KCNJ6: variants seen among roughly 807,000 people sequenced by gnomAD.
The protein encoded by KCNJ6 is G protein-activated inward rectifier potassium channel 2.
In KCNJ6, 9 loss-of-function variants were observed where a neutral mutation model predicts 34.2. The ratio of observed to expected loss-of-function variants is 0.26; its 90% CI spans 0.16 to 0.46. The LOEUF (loss-of-function observed/expected upper bound fraction) is 0.46, where lower values mean the gene tolerates loss of function less well. Ranked by LOEUF, KCNJ6 falls within the 20% of genes least tolerant of loss-of-function variation. The pLI is 1.00. For synonymous variants in KCNJ6, 196 were observed against 207.1 expected (o/e 0.95, Z 0.46); for missense variants, 236 against 531.3 (o/e 0.44, Z 5.46).
rs1267339193 is a variant in KCNJ6, at chr21:37,616,568, T to G, written c.*8591A>C. The G allele has an allele frequency of 7.6e-6, 1 of 131,850 alleles. No individual in the cohort carries two copies. The highest frequency in any genetic ancestry group is 2.2e-4 in the East Asian group (1 of 4,510). The allele number at this position is 131,850 out of a possible 1,614,324, so 8.2% of individuals were successfully genotyped here. A position where few individuals can be genotyped will look rare whatever the true frequency, so the allele number is the denominator to read the frequency against. ...ATCACTCATAGACTCTCTGGGCAAT[T>G]ATGAAGCAGGAACAAAATGTACATA... On this transcript the variant is annotated 3_prime_UTR_variant, in exon 4 of 4. Transcript: ENST00000609713.
At chr21:37,842,376 T>C (rs1453019915) in intron 1 of KCNJ6, among the ~76,000 whole-genome samples, 1 of 152,192 alleles carries the variant, frequency 6.6e-6, no homozygotes, top group African/African-American at 2.4e-5. Flanking sequence ...GTAGTAAGGA[T>C]AGAAAGATCA....
chr21:37,698,746 G>A (rs1335850276), intron 3 of KCNJ6, among the ~76,000 whole-genome samples: 3 of 151,740 alleles, frequency 2.0e-5, no homozygotes, highest in African/African-American at 7.3e-5. Flanking sequence ...ACCCAGGATG[G>A]AGTGCAGTGG....
At chr21:37,815,820 C>T (rs1006044102) in intron 2 of KCNJ6, among the ~76,000 whole-genome samples, 7 of 152,314 alleles carry the variant, frequency 4.6e-5, no homozygotes, top group Middle Eastern at 3.4e-3. Flanking sequence ...CTTTAGCCCC[C>T]ATATGTGAAT....
chr21:37,824,570 G>T (rs939020863), intron 2 of KCNJ6, among the ~76,000 whole-genome samples: 1 of 152,130 alleles, frequency 6.6e-6, no homozygotes, highest in African/African-American at 2.4e-5. Flanking sequence ...CATGTGGAGG[G>T]AGGGACCTGG....
intron 3 of KCNJ6, among the ~76,000 whole-genome samples, chr21:37,633,715 CA>C (rs151197001): frequency 1.3e-5 from 2 of 151,164 alleles, no homozygotes; most frequent in African/African-American, 2.4e-5. Context: ...CCTCTAGCAA[CA>C]AAAAAAACCC....
chr21:37,651,414 A>G (rs558650989), intron 3 of KCNJ6, among the ~76,000 whole-genome samples: 1 of 152,276 alleles, frequency 6.6e-6, no homozygotes, highest in Admixed American at 6.5e-5. Context: ...TGTGTTTTGA[A>G]AAGAGCCCTT....
At chr21:37,730,141 C>A (rs960214437) in intron 2 of KCNJ6, among the ~76,000 whole-genome samples, 1 of 152,270 alleles carries the variant, frequency 6.6e-6, no homozygotes, top group South Asian at 2.1e-4. Context: ...GCTCCTGATT[C>A]TTCCAGTGTG....
chr21:37,801,840 T>C (rs1186312143), intron 2 of KCNJ6, among the ~76,000 whole-genome samples: 1 of 152,150 alleles, frequency 6.6e-6, no homozygotes, highest in African/African-American at 2.4e-5. Context: ...TGCATTTTAT[T>C]TGGTATTTCT....
rs571438133 is a variant in KCNJ6, at chr21:37,704,627, A to T, written c.946+9584T>A. Among the ~76,000 whole-genome samples the T allele has an allele frequency of 3.3e-5, 5 of 151,580 alleles. No individual in the cohort carries two copies. In the South Asian group the frequency reaches 1.0e-3, roughly 32 times the overall value. ...ATTTACTTAGCAGATGAATAATTAA[A>T]ATCTTCCTAGGATGGCCTCAGTATG... On this transcript the variant is annotated intron_variant, in intron 3 of 3. Transcript: ENST00000609713.
At chr21:37,655,633 A>G (rs1269341216) in intron 3 of KCNJ6, among the ~76,000 whole-genome samples, 3 of 152,192 alleles carry the variant, frequency 2.0e-5, no homozygotes, top group African/African-American at 7.2e-5. Flanking sequence ...TAAGTATAAA[A>G]TTATCTTCAG....
chr21:37,702,167 A>C (rs1300536667), intron 3 of KCNJ6, among the ~76,000 whole-genome samples: 1 of 132,114 alleles, frequency 7.6e-6, no homozygotes, highest in Admixed American at 9.0e-5. Context: ...CAGGAGGCGG[A>C]GGTTGCAGTC....
At chr21:37,704,845 T>A (rs1009895469) in intron 3 of KCNJ6, among the ~76,000 whole-genome samples, 1 of 151,996 alleles carries the variant, frequency 6.6e-6, no homozygotes, top group African/African-American at 2.4e-5. Flanking sequence ...CTTTTTTTTT[T>A]CCTCCCTTAA....
intron 2 of KCNJ6, among the ~76,000 whole-genome samples, chr21:37,790,433 G>A (rs1054152004): frequency 1.3e-5 from 2 of 152,076 alleles, no homozygotes; most frequent in African/African-American, 4.8e-5. Flanking sequence ...CAGCAATACC[G>A]AATACTTCCC....
intron 2 of KCNJ6, among the ~76,000 whole-genome samples, chr21:37,831,699 C>T (rs772928675): frequency 5.4e-4 from 82 of 152,268 alleles, no homozygotes; most frequent in Non-Finnish European, 8.5e-4. Context: ...AAACCTGCAC[C>T]TGCCTCCAGT....
intron 2 of KCNJ6, among the ~76,000 whole-genome samples, chr21:37,816,614 G>A (rs1342107833): frequency 6.6e-6 from 1 of 152,216 alleles, no homozygotes; most frequent in Admixed American, 6.5e-5. Context: ...TTGCTGGGCT[G>A]GGTCAGGGCG....
In KCNJ6 at chr21:37,907,637, A is replaced by G. The variant is rs148498415; in HGVS notation, c.-28+8247T>C. ...TACTGAAAATGCTTTCTTATATTGA[A>G]CCAAAATATGTCACTTTGTAGCTTC... On this transcript the variant is annotated intron_variant, in intron 1 of 3. Transcript: ENST00000609713. 3.1e-3 allele frequency among the ~76,000 whole-genome samples: 479 copies of G among 152,266 alleles called. 3 individuals are homozygous for G. The highest frequency in any genetic ancestry group is 0.011 in the African/African-American group (460 of 41,546).
intron 2 of KCNJ6, among the ~76,000 whole-genome samples, chr21:37,829,869 C>G (rs2055416986): frequency 6.6e-6 from 1 of 152,196 alleles, no homozygotes; most frequent in South Asian, 2.1e-4. Flanking sequence ...TTTCCATTAC[C>G]AATAACTTGG....
intron 2 of KCNJ6, among the ~76,000 whole-genome samples, chr21:37,734,151 A>G (rs2054900788): frequency 6.6e-6 from 1 of 152,168 alleles, no homozygotes; most frequent in Non-Finnish European, 1.5e-5. Flanking sequence ...TTTACAGTAG[A>G]TGTGGGCTCC....
At chr21:37,688,108 G>C (rs1569445677) in intron 3 of KCNJ6, among the ~76,000 whole-genome samples, 1 of 150,328 alleles carries the variant, frequency 6.7e-6, no homozygotes, top group Non-Finnish European at 1.5e-5. Context: ...TAAAGAGCTT[G>C]GCAGACAGGT....
Sources: gnomAD v4.1 joint callset for allele counts (sites outside exome capture counted in the v4.1 genomes callset) on GRCh38, gnomAD v4.1.1 for gene constraint, MANE v1.5 for transcripts, NCBI Gene and HGNC (gene_info 2026-07-23, HGNC 2026-07-21) for gene names.